The following MDGA2 variants were observed in gnomAD, a reference collection of about 807,000 sequenced individuals.
MDGA2 encodes MAM domain-containing glycosylphosphatidylinositol anchor protein 2.
In MDGA2, 40 loss-of-function variants were observed where a neutral mutation model predicts 117.8. The ratio of observed to expected loss-of-function variants is 0.34; its 90% CI spans 0.26 to 0.44. The LOEUF (loss-of-function observed/expected upper bound fraction) is 0.44, where lower values mean the gene tolerates loss of function less well. MDGA2 is among the 20% of genes least tolerant of loss of function. The pLI is 1.00. For synonymous variants in MDGA2, 452 were observed against 439.0 expected (o/e 1.03, Z -0.37); for missense variants, 1,123 against 1,250.6 (o/e 0.90, Z 1.54).
At chr14:46,932,703 T>C (rs1884626759) in intron 9 of MDGA2, among the ~76,000 whole-genome samples, 1 of 152,104 alleles carries the variant, frequency 6.6e-6, no homozygotes. Context: ...AATCCTGCCA[T>C]TGGTTATTAG....
At chr14:47,342,852 CCTTAAACA>C (rs1449625353) in intron 1 of MDGA2, 1 of 350,106 alleles carries the variant, frequency 2.9e-6, no homozygotes, top group African/African-American at 2.2e-5. Context: ...AAGAAAACTT[CCTTAAACA>C]CTTAAAGGCT....
Position 47,471,794 on chromosome 14 carries a change from T to C in MDGA2, c.281-170244A>G, listed in dbSNP as rs578109630. 5.2e-4 allele frequency among the ~76,000 whole-genome samples: 79 copies of C among 152,204 alleles called. 2 individuals carry two copies. The South Asian group carries it at 0.016, about 30-fold the overall frequency. ...TTGGAAAGCAAAATAATTCTTGTGT[T>C]CTTTAAGAGTTCCAATTTTATATAA... On this transcript the variant is annotated intron_variant, in intron 1 of 16. Coordinates refer to ENST00000399232, the MANE Select transcript of MDGA2 (RefSeq NM_001113498.3).
At chr14:47,385,685 T>C (rs1357738613) in intron 1 of MDGA2, among the ~76,000 whole-genome samples, 1 of 152,184 alleles carries the variant, frequency 6.6e-6, no homozygotes, top group Non-Finnish European at 1.5e-5. Flanking sequence ...CTGTCACTGT[T>C]TCTTTCTAAA....
chr14:47,058,379 C>G (rs1289978179), intron 7 of MDGA2, among the ~76,000 whole-genome samples: 1 of 152,120 alleles, frequency 6.6e-6, no homozygotes, highest in Non-Finnish European at 1.5e-5. Flanking sequence ...AATAGAAATA[C>G]TAGCAAAACC....
chr14:47,228,344 A>G (rs1886577895), intron 2 of MDGA2, among the ~76,000 whole-genome samples: 1 of 152,126 alleles, frequency 6.6e-6, no homozygotes, highest in South Asian at 2.1e-4. Context: ...TGATTGTTTC[A>G]CTTACGATTT....
chr14:47,513,164 C>T (rs961298880), intron 1 of MDGA2, among the ~76,000 whole-genome samples: 21 of 152,108 alleles, frequency 1.4e-4, no homozygotes, highest in Middle Eastern at 3.4e-3. Context: ...TGAAGTAAAG[C>T]TCATGATGAA....
At chr14:47,500,981 T>C (rs1239658484) in intron 1 of MDGA2, among the ~76,000 whole-genome samples, 1 of 152,136 alleles carries the variant, frequency 6.6e-6, no homozygotes, top group Non-Finnish European at 1.5e-5. Context: ...TGAATTTTGT[T>C]AGATTACATA....
At chr14:47,227,062 C>T (rs1213056884) in intron 2 of MDGA2, among the ~76,000 whole-genome samples, 1 of 152,134 alleles carries the variant, frequency 6.6e-6, no homozygotes, top group African/African-American at 2.4e-5. Flanking sequence ...GAAATTCCCT[C>T]TGTGAGAGTT....
chr14:47,043,421 T>C, intron 7 of MDGA2, among the ~76,000 whole-genome samples: 1 of 152,062 alleles, frequency 6.6e-6, no homozygotes, highest in East Asian at 1.9e-4. Context: ...TGTGTGGTGG[T>C]GGTTTGAAAA....
rs1313328429 is a variant in MDGA2, at chr14:47,144,279, AG to A, written c.596-6del. ...TTACTACTGGATCATCCAAATCTAA[AG>A]GAAATAAAAACAACCAAATGGCAAT... On this transcript the variant is annotated splice_polypyrimidine_tract_variant and splice_region_variant and intron_variant, in intron 3 of 16. Transcript: ENST00000399232. 2 of 1,544,864 alleles carry A rather than the reference AG, an allele frequency of 1.3e-6. No individual in the cohort carries two copies. The highest frequency in any genetic ancestry group is 1.7e-6 in the Non-Finnish European group (2 of 1,143,436).
intron 2 of MDGA2, among the ~76,000 whole-genome samples, chr14:47,268,406 T>G (rs191158020): frequency 2.7e-4 from 41 of 152,214 alleles, no homozygotes; most frequent in African/African-American, 9.4e-4. Context: ...GGCAAATTCA[T>G]TATAAAAATA....
At chr14:47,519,548 T>C (rs979023445) in intron 1 of MDGA2, among the ~76,000 whole-genome samples, 1 of 152,208 alleles carries the variant, frequency 6.6e-6, no homozygotes, top group African/African-American at 2.4e-5. Context: ...TGGTTTTCTT[T>C]TAAAAATGAT....
chr14:47,608,237 T>C (rs142087385), intron 1 of MDGA2, among the ~76,000 whole-genome samples: 86 of 152,268 alleles, frequency 5.6e-4, no homozygotes, highest in African/African-American at 1.9e-3. Flanking sequence ...AAGTAGTTCC[T>C]CGTGAATTGC....
At chr14:47,624,491 AATG>A (rs772600990) in intron 1 of MDGA2, among the ~76,000 whole-genome samples, 12 of 152,222 alleles carry the variant, frequency 7.9e-5, no homozygotes, top group East Asian at 1.9e-4. Flanking sequence ...CAAATAAATA[AATG>A]ATAACTCTTT....
At chr14:47,382,748 T>C (rs1891665081) in intron 1 of MDGA2, among the ~76,000 whole-genome samples, 1 of 152,318 alleles carries the variant, frequency 6.6e-6, no homozygotes, top group East Asian at 1.9e-4. Context: ...ACTTTTACAC[T>C]GTTGGTGGGA....
chr14:47,586,527 T>G (rs1181717890), intron 1 of MDGA2, among the ~76,000 whole-genome samples: 1 of 151,952 alleles, frequency 6.6e-6, no homozygotes, highest in Non-Finnish European at 1.5e-5. Context: ...AGGTTATATC[T>G]GCAGACATCA....
intron 1 of MDGA2, among the ~76,000 whole-genome samples, chr14:47,538,734 A>G (rs1300409259): frequency 1.3e-5 from 2 of 152,142 alleles, no homozygotes; most frequent in South Asian, 4.1e-4. Context: ...ACTCTAAGAT[A>G]TTTGAAAGGT....
At chr14:47,170,607 A>G (rs980575130) in intron 3 of MDGA2, among the ~76,000 whole-genome samples, 9 of 152,222 alleles carry the variant, frequency 5.9e-5, no homozygotes, top group Non-Finnish European at 1.3e-4. Context: ...CTGAGCCACT[A>G]TGAACATTTT....
At chr14:47,383,270 C>T (rs1891677728) in intron 1 of MDGA2, among the ~76,000 whole-genome samples, 1 of 151,852 alleles carries the variant, frequency 6.6e-6, no homozygotes, top group African/African-American at 2.4e-5. Context: ...GGGTGCAGCA[C>T]ACCAACATGG....
Sources: gnomAD v4.1 joint callset for allele counts (sites outside exome capture counted in the v4.1 genomes callset) on GRCh38, gnomAD v4.1.1 for gene constraint, MANE v1.5 for transcripts, NCBI Gene and HGNC (gene_info 2026-07-23, HGNC 2026-07-21) for gene names.